GALNT2: variants seen among roughly 807,000 people sequenced by gnomAD.
GALNT2 encodes UDP-GalNAc:polypeptide N-acetylgalactosaminyltransferase 2.
GALNT2 carries 31 observed loss-of-function variants against 81.4 expected under a neutral mutation model. The observed-to-expected ratio is 0.38, with a 90% CI of 0.29 to 0.51. GALNT2 has a LOEUF of 0.51. Among genes scored for constraint, GALNT2 ranks in the 20% least tolerant of loss-of-function variants. The pLI is 0.87. For missense variants in GALNT2, 629 were observed against 765.7 expected (o/e 0.82, Z 2.11); for synonymous variants, 303 against 287.4 (o/e 1.05, Z -0.55).
At chr1:230,232,215 G>A (rs1263571223) in intron 3 of GALNT2, among the ~76,000 whole-genome samples, 12 of 152,094 alleles carry the variant, frequency 7.9e-5, no homozygotes, top group Non-Finnish European at 1.8e-4. Flanking sequence ...CTCTAACTCT[G>A]GGATGTAAAA....
intron 1 of GALNT2, among the ~76,000 whole-genome samples, chr1:230,084,040 C>A (rs1659827947): frequency 6.6e-6 from 1 of 152,196 alleles, no homozygotes; most frequent in South Asian, 2.1e-4. Context: ...CAGCCCTCCC[C>A]CTTTGTATGT....
chr1:230,103,033 G>A (rs533553441), intron 1 of GALNT2, among the ~76,000 whole-genome samples: 7 of 152,316 alleles, frequency 4.6e-5, no homozygotes, highest in Admixed American at 2.0e-4. Context: ...TGCTGAGATC[G>A]TGTTTAGAAC....
chr1:230,112,228 A>C (rs920499094), intron 1 of GALNT2, among the ~76,000 whole-genome samples: 1 of 152,190 alleles, frequency 6.6e-6, no homozygotes, highest in Non-Finnish European at 1.5e-5. Context: ...TGTGGGTCTA[A>C]TCTCCTAGCA....
intron 1 of GALNT2, among the ~76,000 whole-genome samples, chr1:230,093,533 C>T (rs138503938): frequency 6.6e-6 from 1 of 152,350 alleles, no homozygotes; most frequent in African/African-American, 2.4e-5. Flanking sequence ...TGCTGCTTCA[C>T]TCCTGGGAGG....
chr1:230,127,187 A>C (rs1661211594), intron 1 of GALNT2, among the ~76,000 whole-genome samples: 1 of 151,674 alleles, frequency 6.6e-6, no homozygotes, highest in South Asian at 2.1e-4. Flanking sequence ...CAGCAACCCT[A>C]AATCCTGCTG....
rs1270537345 is a variant in GALNT2, at chr1:230,067,356, G to C, written c.76G>C (p.Gly26Arg). Residue 26 changes from glycine to arginine, a missense_variant, in exon 1 of 16, where the codon GGG becomes CGG. Transcript: ENST00000366672. Reference sequence around the variant, plus strand: ...GGGCATCGCCTACTACATGTACTCGGGGGGCGGCTCTGCGCTGGCCGGGGG... The same window carrying C: ...GGGCATCGCCTACTACATGTACTCGCGGGGCGGCTCTGCGCTGGCCGGGGG... Reference protein sequence around the residue: ...VLGIAYYMYSGGGSALAGGAG... With the variant: ...VLGIAYYMYSRGGSALAGGAG... 1 of 1,370,628 alleles carries C rather than the reference G, an allele frequency of 7.3e-7. No homozygotes were observed. The highest frequency in any genetic ancestry group is 9.5e-7 in the Non-Finnish European group (1 of 1,049,576). The allele number at this position is 1,370,628 out of a possible 1,614,324, so 84.9% of individuals were successfully genotyped here.
At chr1:230,082,624 C>T (rs1659769632) in intron 1 of GALNT2, among the ~76,000 whole-genome samples, 1 of 152,230 alleles carries the variant, frequency 6.6e-6, no homozygotes, top group Non-Finnish European at 1.5e-5. Flanking sequence ...AGTGTAGTGG[C>T]TGCCAGGAGA....
At chr1:230,273,877 C>T (rs1438419915) in intron 14 of GALNT2, among the ~76,000 whole-genome samples, 1 of 152,184 alleles carries the variant, frequency 6.6e-6, no homozygotes, top group Non-Finnish European at 1.5e-5. Flanking sequence ...TCTATTCCTC[C>T]AGTTTTCAGA....
At chr1:230,163,753 C>T (rs929706314) in intron 1 of GALNT2, among the ~76,000 whole-genome samples, 8 of 152,220 alleles carry the variant, frequency 5.3e-5, no homozygotes, top group Non-Finnish European at 8.8e-5. Flanking sequence ...GGTAAAATTA[C>T]TGTTTTCTGA....
intron 1 of GALNT2, among the ~76,000 whole-genome samples, chr1:230,149,836 A>G (rs1662037916): frequency 1.3e-5 from 2 of 152,064 alleles, no homozygotes; most frequent in South Asian, 2.1e-4. Context: ...CCTCTTTAAG[A>G]GTTCTGTCTC....
intron 1 of GALNT2, among the ~76,000 whole-genome samples, chr1:230,145,060 C>T (rs1396629231): frequency 6.6e-6 from 1 of 152,144 alleles, no homozygotes. Context: ...GATGGCCACT[C>T]CAGAGCTGCG....
At chr1:230,245,996 T>A (rs1331886594) in intron 7 of GALNT2, 67 bp from the exon 8 acceptor site, 4 of 1,323,970 alleles carry the variant, frequency 3.0e-6, no homozygotes, top group Middle Eastern at 1.8e-4. Flanking sequence ...TACTAATGCC[T>A]TCTGTGGTTG....
chr1:230,164,305 G>A (rs1054431346), intron 1 of GALNT2, among the ~76,000 whole-genome samples: 1 of 152,182 alleles, frequency 6.6e-6, no homozygotes, highest in African/African-American at 2.4e-5. Context: ...TTGTGTGTGT[G>A]ATTGCCCGTA....
At chr1:230,210,921 C>T (rs1312340661) in intron 3 of GALNT2, among the ~76,000 whole-genome samples, 1 of 152,142 alleles carries the variant, frequency 6.6e-6, no homozygotes, top group African/African-American at 2.4e-5. Context: ...TCTGGAAGAA[C>T]AAACATTGCT....
chr1:230,233,130 A>G (rs1664919184), intron 3 of GALNT2, among the ~76,000 whole-genome samples: 1 of 152,166 alleles, frequency 6.6e-6, no homozygotes, highest in Non-Finnish European at 1.5e-5. Flanking sequence ...ATTGCTGGTC[A>G]TTGTTTGGCA....
In GALNT2 at chr1:230,261,222, A is replaced by C. The variant is rs1304319301; in HGVS notation, c.1137-1351A>C. Among the ~76,000 whole-genome samples the C allele has an allele frequency of 4.6e-5, 7 of 152,052 alleles. No homozygotes were observed. The East Asian group carries it at 1.4e-3, about 29-fold the overall frequency. On this transcript the variant is annotated intron_variant, in intron 11 of 15. Transcript: ENST00000366672. Reference sequence around the variant, plus strand: ...TGGGTCAGAGAATAGGTGCATTCATATGTTCTTATCTGTGTTGAATGGCAT... The same window carrying C: ...TGGGTCAGAGAATAGGTGCATTCATCTGTTCTTATCTGTGTTGAATGGCAT...
chr1:230,165,806 C>G (rs1055960733), intron 1 of GALNT2, among the ~76,000 whole-genome samples: 1 of 152,222 alleles, frequency 6.6e-6, no homozygotes, highest in Non-Finnish European at 1.5e-5. Context: ...CTCGGAGTAG[C>G]CAGAGCCCCT....
At chr1:230,122,791 A>G (rs563893247) in intron 1 of GALNT2, among the ~76,000 whole-genome samples, 2 of 152,274 alleles carry the variant, frequency 1.3e-5, no homozygotes, top group Admixed American at 1.3e-4. Context: ...TGGTGTATAT[A>G]TAGATCTCTG....
At chr1:230,183,987 A>T (rs1399528287) in intron 2 of GALNT2, among the ~76,000 whole-genome samples, 2 of 152,102 alleles carry the variant, frequency 1.3e-5, no homozygotes, top group Non-Finnish European at 2.9e-5. Flanking sequence ...AAAAAAAAAA[A>T]AGGAAAAGTT....
Sources: gnomAD v4.1 joint callset for allele counts (sites outside exome capture counted in the v4.1 genomes callset) on GRCh38, gnomAD v4.1.1 for gene constraint, MANE v1.5 for transcripts, NCBI Gene and HGNC (gene_info 2026-07-23, HGNC 2026-07-21) for gene names.